Variants in SPTA1 observed in about 807,000 individuals in gnomAD.
The protein encoded by SPTA1 is spectrin alpha chain, erythrocytic 1.
A neutral mutation model predicts 324.7 loss-of-function variants in SPTA1; 177 were observed. That is an observed-to-expected ratio of 0.55 (90% CI 0.48 to 0.62). SPTA1 has a LOEUF of 0.62. Among genes scored for constraint, SPTA1 ranks in the 20% least tolerant of loss-of-function variants. SPTA1 has a pLI of 0.00. For missense variants in SPTA1, 3,162 were observed against 2,883.6 expected (o/e 1.10, Z -2.21); for synonymous variants, 1,195 against 1,041.3 (o/e 1.15, Z -2.84).
intron 35 of SPTA1, 79 bp from the exon 36 acceptor site, chr1:158,638,320 G>A: frequency 7.0e-7 from 1 of 1,432,140 alleles, no homozygotes; most frequent in African/African-American, 1.4e-5. Context: ...CAGCTGGTCT[G>A]GCTCAAAGAC....
At chr1:158,640,107 G>A in intron 33 of SPTA1, 100 bp from the exon 34 acceptor site, 1 of 1,487,014 alleles carries the variant, frequency 6.7e-7, no homozygotes, top group Non-Finnish European at 9.3e-7. Context: ...GCAGGAACTA[G>A]CCAAAATTTG....
At chr1:158,616,010 G>A (rs1017347943) in intron 47 of SPTA1, among the ~76,000 whole-genome samples, 1 of 152,184 alleles carries the variant, frequency 6.6e-6, no homozygotes, top group African/African-American at 2.4e-5. Flanking sequence ...ATAAGGGTAA[G>A]TGTGAATTTA....
At chr1:158,653,221 G>C (rs894497270) in intron 22 of SPTA1, 53 bp downstream of exon 22, 2 of 1,612,832 alleles carry the variant, frequency 1.2e-6, no homozygotes, top group African/African-American at 2.7e-5. Context: ...AAATGCCTTT[G>C]GCGAAAAATG....
chr1:158,655,372 T>G (rs986664488), intron 20 of SPTA1, among the ~76,000 whole-genome samples: 1 of 152,086 alleles, frequency 6.6e-6, no homozygotes, highest in Non-Finnish European at 1.5e-5. Flanking sequence ...TTTTACTTTC[T>G]GCCAATTTCA....
At chr1:158,622,128 T>G (rs1649955591) in intron 43 of SPTA1, among the ~76,000 whole-genome samples, 1 of 152,242 alleles carries the variant, frequency 6.6e-6, no homozygotes. Flanking sequence ...CCTACCAAAG[T>G]GCTGGGATTA....
chr1:158,668,647 T>C lies in SPTA1; in HGVS notation c.1834-585A>G, dbSNP rs1653787433. 2.0e-5 allele frequency among the ~76,000 whole-genome samples: 3 copies of C among 152,212 alleles called. No individual in the cohort carries two copies. In the South Asian group the frequency reaches 6.2e-4, roughly 32 times the overall value. On this transcript the variant is annotated intron_variant, in intron 14 of 51. Coordinates refer to ENST00000643759, the MANE Select transcript of SPTA1 (RefSeq NM_003126.4). ...ATCAAAAGCCTAATTCTCATCCTGA[T>C]GGTAAATGTGAAGGTTTGTAAACAT...
intron 10 of SPTA1, 144 bp from the exon 11 acceptor site, chr1:158,672,340 A>ATGAT (rs1654088066): frequency 6.4e-6 from 5 of 786,672 alleles, no homozygotes; most frequent in Non-Finnish European, 1.0e-5. Context: ...TTTTAAGCAA[A>ATGAT]TGATTGTACT....
At position 158,613,825 on chromosome 1, in the gene SPTA1, C is replaced by T; in HGVS notation, c.6885G>A (p.Glu2295=). 1 of 1,613,886 alleles carries T rather than the reference C, an allele frequency of 6.2e-7. No individual in the cohort carries two copies. Among genetic ancestry groups the T allele is most frequent in the Non-Finnish European group, 8.5e-7 (1 of 1,179,924 alleles). Reference sequence around the variant, plus strand: ...TGAGTCCTCTCAGGCAGGACCGGAACTCTTTGTGAGTCAGGCGCCCTGTCA... The same window carrying T: ...TGAGTCCTCTCAGGCAGGACCGGAATTCTTTGTGAGTCAGGCGCCCTGTCA... ...ENLTGRLTHK[E]FRSCLRGLNY... The change falls in exon 50 of 52, where the codon GAG becomes GAA. Residue 2295 remains glutamate (E), a synonymous_variant. Coordinates refer to ENST00000643759, the MANE Select transcript of SPTA1 (RefSeq NM_003126.4).
At chr1:158,669,662 T>A (rs772760742) in intron 13 of SPTA1, 47 bp downstream of exon 13, 1 of 1,613,932 alleles carries the variant, frequency 6.2e-7, no homozygotes, top group African/African-American at 1.3e-5. Context: ...AAACTCTTCT[T>A]GATTCTAGTG....
In SPTA1 at chr1:158,626,518, T is replaced by C. The variant is rs1418607198; in HGVS notation, c.5834-296A>G. Among the ~76,000 whole-genome samples, 3 of 152,216 alleles carry C rather than the reference T, an allele frequency of 2.0e-5. No individual in the cohort carries two copies. In the East Asian group the frequency reaches 5.8e-4, roughly 29 times the overall value. On this transcript the variant is annotated intron_variant, in intron 41 of 51. Coordinates refer to ENST00000643759, the MANE Select transcript of SPTA1 (RefSeq NM_003126.4). ...AATCTAACAAACATTTTAGATTGTT[T>C]CTTAGAACATTTTGCTATGGCTTTC... is the stretch of plus-strand genomic sequence containing the variant.
rs764436700 is a variant in SPTA1, at chr1:158,642,899, C to T, written c.4520G>A (p.Arg1507Gln). The T allele has an allele frequency of 1.1e-5, 18 of 1,613,732 alleles. No homozygotes were observed. Among genetic ancestry groups the T allele is most frequent in the South Asian group, 4.4e-5 (4 of 91,074 alleles). The change falls in exon 32 of 52, where the codon CGA (arginine) becomes CAA (glutamine). Residue 1507 changes from arginine (R) to glutamine (Q), a missense_variant. By Grantham distance (43) the Arg-to-Gln change is conservative. Coordinates refer to ENST00000643759, the MANE Select transcript of SPTA1 (RefSeq NM_003126.4). ...CCATTCTTCCAGCTCCTCAAGGTCT[C>T]GGTAGAATTGTTTTAGGTTGGCATA... ...GDYANLKQFY[R>Q]DLEELEEWIS... is the part of the protein sequence containing the mutation.
intron 24 of SPTA1, among the ~76,000 whole-genome samples, chr1:158,650,295 C>G (rs1652326771): frequency 6.6e-6 from 1 of 152,170 alleles, no homozygotes; most frequent in Admixed American, 6.5e-5. Flanking sequence ...ACAAACAATT[C>G]TGTATTCTGA....
At position 158,642,154 on chromosome 1, in the gene SPTA1, T is replaced by G. The variant is rs552709489; in HGVS notation, c.4737+257A>C. Among the ~76,000 whole-genome samples the G allele has an allele frequency of 7.0e-4, 106 of 151,810 alleles. No homozygotes were observed. In the South Asian group the frequency reaches 0.021, roughly 30 times the overall value. On this transcript the variant is annotated intron_variant, in intron 33 of 51. Transcript: ENST00000643759. ...AATGGGAACATCACACACCAGGGAC[T>G]GTTGTGGGGTGGGGGGAGGAGGGAG...
At position 158,640,027 on chromosome 1, in the gene SPTA1, G is replaced by T. The variant is rs1018883071; in HGVS notation, c.4738-20C>A. 3.7e-6 allele frequency: 6 copies of T among 1,613,650 alleles called. No individual in the cohort carries two copies. In the East Asian group the frequency reaches 1.3e-4, roughly 36 times the overall value. On this transcript the variant is annotated intron_variant, in intron 33 of 51. Coordinates refer to ENST00000643759, the MANE Select transcript of SPTA1 (RefSeq NM_003126.4). ...TTGCTCCTAACCCAAGGAGAGTGAGGAGTCATTACAATCTTTAGGATCCCG... is the reference window on the plus strand; with the variant it reads ...TTGCTCCTAACCCAAGGAGAGTGAGTAGTCATTACAATCTTTAGGATCCCG...
intron 14 of SPTA1, 75 bp downstream of exon 14, chr1:158,669,333 A>C (rs1398742944): frequency 1.2e-6 from 2 of 1,603,450 alleles, no homozygotes; most frequent in South Asian, 2.2e-5. Flanking sequence ...GCTAAAGTTC[A>C]TTTTACTCCA....
chr1:158,624,481 C>T (rs1650137450), intron 42 of SPTA1, among the ~76,000 whole-genome samples: 1 of 152,172 alleles, frequency 6.6e-6, no homozygotes, highest in African/African-American at 2.4e-5. Context: ...AATGACTGTC[C>T]TGTTGGATTT....
intron 41 of SPTA1, 79 bp downstream of exon 41, chr1:158,626,760 C>A (rs1011210223): frequency 6.3e-7 from 1 of 1,588,558 alleles, no homozygotes; most frequent in African/African-American, 1.3e-5. Flanking sequence ...CAGTAAAAGT[C>A]CCAGAGACCA....
intron 49 of SPTA1, among the ~76,000 whole-genome samples, 176 bp downstream of exon 49, chr1:158,614,077 A>G (rs1282607150): frequency 1.3e-5 from 2 of 152,284 alleles, no homozygotes; most frequent in South Asian, 4.1e-4. Flanking sequence ...GAATGAAGAA[A>G]TGTATTTTTT....
rs762941649 is a variant in SPTA1 at position 158,681,509 on chromosome 1, C to T, written c.531+18G>A. On this transcript the variant is annotated intron_variant, in intron 4 of 51. Transcript: ENST00000643759. Reference sequence around the variant, plus strand: ...AGGAGTGGGAGGCCCTGTGTGATTGCTGTTTTAAGTTCGATACCTTGTCTC... The same window carrying T: ...AGGAGTGGGAGGCCCTGTGTGATTGTTGTTTTAAGTTCGATACCTTGTCTC... 4.3e-6 allele frequency: 7 copies of T among 1,613,346 alleles called. No homozygotes were observed. The highest frequency in any genetic ancestry group is 1.1e-5 in the South Asian group (1 of 91,082).
Sources: gnomAD v4.1 joint callset for allele counts (sites outside exome capture counted in the v4.1 genomes callset) on GRCh38, gnomAD v4.1.1 for gene constraint, MANE v1.5 for transcripts, NCBI Gene and HGNC (gene_info 2026-07-23, HGNC 2026-07-21) for gene names.